YAP1: variants seen among roughly 807,000 people sequenced by gnomAD.
YAP1 encodes the protein transcriptional coactivator YAP1.
Under a neutral mutation model 56.9 loss-of-function variants are expected in YAP1, and 5 were observed. The observed-to-expected ratio is 0.09, with a 90% CI of 0.05 to 0.18. The LOEUF (loss-of-function observed/expected upper bound fraction) is 0.18, where lower values mean the gene tolerates loss of function less well. YAP1 is among the 10% of genes least tolerant of loss of function. The pLI, the probability that YAP1 is intolerant of heterozygous loss-of-function variation, is 1.00. For synonymous variants in YAP1, 265 were observed against 248.1 expected, an observed-to-expected ratio of 1.07 and a Z score of -0.64; for missense variants, 539 against 651.8, an observed-to-expected ratio of 0.83 and a Z score of 1.88.
chr11:102,112,568 G>A (rs1177856986), intron 1 of YAP1: 5 of 984,700 alleles, frequency 5.1e-6, no homozygotes, highest in African/African-American at 3.5e-5. Context: ...AAGAGTTACC[G>A]CCCCCACTCC....
intron 2 of YAP1, among the ~76,000 whole-genome samples, chr11:102,130,720 CTTT>C (rs61175592): frequency 0.011 from 1,046 of 98,138 alleles, 57 homozygotes; most frequent in Admixed American, 0.093. Flanking sequence ...GATAACTACT[CTTT>C]TTTTTTTTTT....
At position 102,114,544 on chromosome 11, in the gene YAP1, T is replaced by C. The variant is rs111347365; in HGVS notation, c.572+150T>C. The C allele has an allele frequency of 2.2e-3, 2,224 of 1,022,412 alleles. 26 individuals are homozygous for C. The highest frequency in any genetic ancestry group is 0.02 in the African/African-American group (1,260 of 61,788). 63.3% of individuals were successfully genotyped at this position (1,022,412 alleles called of 1,614,324 possible). On this transcript the variant is annotated intron_variant, in intron 2 of 8. Transcript: ENST00000282441. ...TCTGTAGCTCTATCTTCCATATATA[T>C]GTTTCAGTTTGGTATGACCTAAATA...
At chr11:102,192,816 T>C (rs1948363672) in intron 4 of YAP1, among the ~76,000 whole-genome samples, 1 of 152,224 alleles carries the variant, frequency 6.6e-6, no homozygotes, top group Non-Finnish European at 1.5e-5. Context: ...TTTGGTCCTC[T>C]GGTCACAGTG....
intron 3 of YAP1, among the ~76,000 whole-genome samples, chr11:102,182,864 TTATTTTG>T (rs1221010337): frequency 6.6e-6 from 1 of 152,196 alleles, no homozygotes; most frequent in African/African-American, 2.4e-5. Context: ...ATATAAAGTA[TTATTTTG>T]TATTTGGTAT....
chr11:102,193,200 T>A, intron 4 of YAP1, among the ~76,000 whole-genome samples: 1 of 152,224 alleles, frequency 6.6e-6, no homozygotes, highest in East Asian at 1.9e-4. Context: ...TTGTTAGTAA[T>A]TATTGCTCTC....
chr11:102,124,155 G>A (rs1347534236), intron 2 of YAP1, among the ~76,000 whole-genome samples: 5 of 151,470 alleles, frequency 3.3e-5, no homozygotes, highest in Non-Finnish European at 7.4e-5. Flanking sequence ...GTTTCACCAT[G>A]TTGGCCAGGT....
At chr11:102,219,894 G>T (rs1801504510) in intron 6 of YAP1, among the ~76,000 whole-genome samples, 1 of 151,806 alleles carries the variant, frequency 6.6e-6, no homozygotes, top group South Asian at 2.1e-4. Context: ...ACCACGCCTG[G>T]CTAATTTTTT....
chr11:102,132,391 GTTTAC>G (rs1022542888), intron 2 of YAP1, among the ~76,000 whole-genome samples: 24 of 152,174 alleles, frequency 1.6e-4, no homozygotes, highest in African/African-American at 5.3e-4. Context: ...ATTAATCTCA[GTTTAC>G]TTTGCATTCT....
Position 102,232,953 on chromosome 11 carries a change from A to G in YAP1, c.*3013A>G, listed in dbSNP as rs1467364119. The G allele has an allele frequency of 6.6e-6, 1 of 152,258 alleles. No homozygotes were observed. The highest frequency in any genetic ancestry group is 1.5e-5 in the Non-Finnish European group (1 of 68,048). The allele number at this position is 152,258 out of a possible 1,614,324, so 9.4% of individuals were successfully genotyped here. On this transcript the variant is annotated 3_prime_UTR_variant, in exon 9 of 9. Transcript: ENST00000282441. ...TGTGTTAAGTATTCATATTAAATAC[A>G]TGCCTTCTATATGGAACATGGCAGA...
intron 4 of YAP1, among the ~76,000 whole-genome samples, chr11:102,193,365 A>G (rs1330106735): frequency 6.6e-6 from 1 of 152,160 alleles, no homozygotes; most frequent in African/African-American, 2.4e-5. Context: ...TCTAAAAAGT[A>G]AACAACTTTA....
intron 1 of YAP1, among the ~76,000 whole-genome samples, chr11:102,111,886 T>C (rs973800887): frequency 6.6e-6 from 1 of 151,442 alleles, no homozygotes. Flanking sequence ...GATTTCGGAA[T>C]ACAGGTTTCG....
At chr11:102,218,476 C>T (rs1949766915) in intron 6 of YAP1, among the ~76,000 whole-genome samples, 1 of 152,202 alleles carries the variant, frequency 6.6e-6, no homozygotes, top group African/African-American at 2.4e-5. Context: ...ACACAGCCTT[C>T]CATTTTTCTT....
chr11:102,230,964 G>A lies in YAP1; in HGVS notation c.*1024G>A, dbSNP rs890670071. On this transcript the variant is annotated 3_prime_UTR_variant, in exon 9 of 9. Transcript: ENST00000282441. The stretch of plus-strand genomic sequence containing the variant: ...TTTCCAGTTAATTTTTAAAATGGTA[G>A]CGCTTTGTATGCATTTAGAATACAT... 2 of 152,086 alleles carry A rather than the reference G, an allele frequency of 1.3e-5. No homozygotes were observed. The highest frequency in any genetic ancestry group is 4.8e-5 in the African/African-American group (2 of 41,420). 9.4% of individuals were successfully genotyped at this position (152,086 alleles called of 1,614,324 possible).
intron 2 of YAP1, among the ~76,000 whole-genome samples, chr11:102,125,540 C>T (rs1310441114): frequency 6.6e-6 from 1 of 151,382 alleles, no homozygotes; most frequent in Non-Finnish European, 1.5e-5. Flanking sequence ...TCATGCCTGG[C>T]TAATTTTTTT....
At chr11:102,111,219 C>CG (rs751735288) in intron 1 of YAP1, 50 bp downstream of exon 1, 61 of 1,591,052 alleles carry the variant, frequency 3.8e-5, no homozygotes, top group South Asian at 6.7e-5. Context: ...GGCCTCAGAC[C>CG]GGGGGGGCGC....
chr11:102,178,622 T>C (rs546043512), intron 3 of YAP1, among the ~76,000 whole-genome samples: 1 of 152,320 alleles, frequency 6.6e-6, no homozygotes, highest in African/African-American at 2.4e-5. Context: ...GTAATACTAG[T>C]AGTAAATCTT....
At position 102,223,733 on chromosome 11, in the gene YAP1, T is replaced by G. The variant is rs1292157215; in HGVS notation, c.1144T>G (p.Ser382Ala). The G allele has an allele frequency of 1.1e-5, 17 of 1,613,936 alleles. No homozygotes were observed. The highest frequency in any genetic ancestry group is 1.4e-5 in the Non-Finnish European group (16 of 1,180,002). ...QELRTMTTNS[S>A]DPFLNSGTYH... ...ATTGAGAACAATGACGACCAATAGC[T>G]CAGATCCTTTCCTTAACAGGTTGGT... The change falls in exon 7 of 9, where the codon TCA becomes GCA. Residue 382 changes from serine (S) to alanine (A), a missense_variant. Transcript: ENST00000282441.
chr11:102,112,425 C>CTT (rs751339753), intron 1 of YAP1: 22,351 of 807,870 alleles, frequency 0.028, 66 homozygotes, highest in African/African-American at 0.058. Flanking sequence ...ATTTCTTCTT[C>CTT]TTTTTTTTTT....
intron 2 of YAP1, among the ~76,000 whole-genome samples, chr11:102,150,890 T>C (rs1251884021): frequency 6.8e-6 from 1 of 146,790 alleles, no homozygotes; most frequent in African/African-American, 2.5e-5. Context: ...AGTCTCTGCC[T>C]CCTAGGTTCA....
Sources: allele counts gnomAD v4.1 joint callset (sites outside exome capture counted in the v4.1 genomes callset), GRCh38; gene constraint gnomAD v4.1.1; transcripts MANE v1.5; gene names NCBI Gene and HGNC (gene_info 2026-07-23, HGNC 2026-07-21).